The following CAAP1 variants were observed in gnomAD, a reference collection of about 807,000 sequenced individuals.
The protein encoded by CAAP1 is caspase activity and apoptosis inhibitor 1, also known as conserved anti-apoptotic protein.
In CAAP1, 20 loss-of-function variants were observed where a neutral mutation model predicts 34.0. The observed-to-expected ratio is 0.59, with a 90% confidence interval of 0.41 to 0.86. The LOEUF is 0.86. Among genes scored for constraint, CAAP1 ranks in the 40% least tolerant of loss-of-function variants. CAAP1 has a pLI of 0.00. For missense variants in CAAP1, 538 were observed against 450.5 expected (o/e 1.19, Z -1.76); for synonymous variants, 213 against 166.7 (o/e 1.28, Z -2.14).
At chr9:26,855,285 T>C (rs1822843058) in intron 5 of CAAP1, among the ~76,000 whole-genome samples, 2 of 152,296 alleles carry the variant, frequency 1.3e-5, no homozygotes, top group Middle Eastern at 3.4e-3. Flanking sequence ...AGCATAACTA[T>C]AGGGACTATA....
chr9:26,850,472 T>A (rs1587090782), intron 5 of CAAP1, among the ~76,000 whole-genome samples: 2 of 152,286 alleles, frequency 1.3e-5, no homozygotes, highest in Middle Eastern at 6.8e-3. Context: ...GAAAACCCCA[T>A]AATTCCCCAA....
chr9:26,854,483 C>A (rs746123048), intron 5 of CAAP1, among the ~76,000 whole-genome samples: 1 of 140,152 alleles, frequency 7.1e-6, no homozygotes, highest in Non-Finnish European at 1.5e-5. Flanking sequence ...CTGGGTTCAG[C>A]TGAATGTATC....
intron 1 of CAAP1, among the ~76,000 whole-genome samples, chr9:26,890,941 T>C (rs1823889145): frequency 6.6e-6 from 1 of 150,736 alleles, no homozygotes; most frequent in Non-Finnish European, 1.5e-5. Flanking sequence ...CGAGACTCCG[T>C]CTCAAAAAAA....
At chr9:26,889,420 AAAAAACAAAAAC>A (rs1052969150) in intron 1 of CAAP1, among the ~76,000 whole-genome samples, 1 of 152,148 alleles carries the variant, frequency 6.6e-6, no homozygotes, top group African/African-American at 2.4e-5. Context: ...CTCTATCTCA[AAAAAACAAAAAC>A]AAAAACAAAA....
chr9:26,879,739 T>C (rs1823538147), intron 4 of CAAP1, among the ~76,000 whole-genome samples: 1 of 152,198 alleles, frequency 6.6e-6, no homozygotes, highest in Non-Finnish European at 1.5e-5. Context: ...TGGATGCCCT[T>C]GAACATCAGA....
intron 4 of CAAP1, among the ~76,000 whole-genome samples, chr9:26,869,070 G>C (rs1823209881): frequency 6.6e-6 from 1 of 151,964 alleles, no homozygotes; most frequent in Admixed American, 6.6e-5. Context: ...AATACTATAA[G>C]AAAATAGATG....
At chr9:26,857,297 T>C (rs1238874036) in intron 5 of CAAP1, among the ~76,000 whole-genome samples, 2 of 152,192 alleles carry the variant, frequency 1.3e-5, no homozygotes, top group Admixed American at 6.5e-5. Context: ...ATAACTGATG[T>C]TTCTTATACA....
At position 26,892,522 on chromosome 9, in the gene CAAP1, G is replaced by T. The variant is rs774523972; in HGVS notation, c.194C>A (p.Thr65Asn). The change falls in exon 1 of 6, where the codon ACC becomes AAC. Residue 65 changes from threonine (T) to asparagine (N), a missense_variant. Thr to Asn is a moderately conservative substitution (Grantham distance 65). Coordinates refer to ENST00000333916, the MANE Select transcript of CAAP1 (RefSeq NM_024828.4). ...CGNANFSGSV[T>N]GGGSGGSCWG... is the part of the protein sequence containing the mutation. Reference sequence around the variant, plus strand: ...ACAGCTGCCGCCGCTCCCACCGCCGGTGACACTTCCACTAAAATTGGCGTT... The same window carrying T: ...ACAGCTGCCGCCGCTCCCACCGCCGTTGACACTTCCACTAAAATTGGCGTT... 3.2e-6 allele frequency: 5 copies of T among 1,572,868 alleles called. No individual in the cohort carries two copies. Among genetic ancestry groups the T allele is most frequent in the Non-Finnish European group, 4.3e-6 (5 of 1,159,242 alleles).
intron 3 of CAAP1, among the ~76,000 whole-genome samples, chr9:26,885,218 A>T (rs1202461952): frequency 6.6e-6 from 1 of 151,688 alleles, no homozygotes; most frequent in Non-Finnish European, 1.5e-5. Context: ...CTGGGACTAC[A>T]GGCGCCCGCC....
intron 5 of CAAP1, among the ~76,000 whole-genome samples, chr9:26,855,352 A>G (rs566267186): frequency 2.1e-4 from 32 of 152,318 alleles, no homozygotes; most frequent in South Asian, 1.0e-3. Context: ...ATAAATAGGT[A>G]GAACACAGAA....
intron 2 of CAAP1, 78 bp from the exon 3 acceptor site, chr9:26,886,266 A>T: frequency 1.6e-6 from 1 of 633,436 alleles, no homozygotes; most frequent in Middle Eastern, 4.5e-4. Context: ...CAATCATAAA[A>T]ATTTAAGTTA....
In CAAP1 at chr9:26,870,896, C is replaced by A. The variant is rs577268085; in HGVS notation, c.666-9757G>T. Among the ~76,000 whole-genome samples the A allele has an allele frequency of 5.3e-5, 8 of 152,180 alleles. No homozygotes were observed. The East Asian group carries it at 5.8e-4, about 11-fold the overall frequency. On this transcript the variant is annotated intron_variant, in intron 4 of 5. Transcript: ENST00000333916. ...CCCCCTAAAGAGCTGGGATTACAGGCGTGAGCCACCGCGCCCAGCCGCAGG... is the reference window on the plus strand; with the variant it reads ...CCCCCTAAAGAGCTGGGATTACAGGAGTGAGCCACCGCGCCCAGCCGCAGG...
chr9:26,887,919 T>A (rs1823791320), intron 1 of CAAP1, among the ~76,000 whole-genome samples: 1 of 152,206 alleles, frequency 6.6e-6, no homozygotes, highest in African/African-American at 2.4e-5. Flanking sequence ...TCACAAATAT[T>A]ATACAGAAAA....
chr9:26,886,429 A>G (rs979801423), intron 2 of CAAP1, among the ~76,000 whole-genome samples: 9 of 152,188 alleles, frequency 5.9e-5, no homozygotes, highest in Non-Finnish European at 1.0e-4. Flanking sequence ...GAAAAAAACT[A>G]AAGAGTGAGT....
intron 1 of CAAP1, 89 bp from the exon 2 acceptor site, chr9:26,887,602 A>G (rs1823779742): frequency 1.3e-6 from 1 of 778,278 alleles, no homozygotes; most frequent in South Asian, 2.2e-5. Flanking sequence ...CATTTAATAA[A>G]TTCTTCTTCA....
At chr9:26,876,383 G>A (rs943031101) in intron 4 of CAAP1, among the ~76,000 whole-genome samples, 1 of 151,220 alleles carries the variant, frequency 6.6e-6, no homozygotes, top group Non-Finnish European at 1.5e-5. Context: ...TCTTTTGAAA[G>A]TACATATTCA....
chr9:26,864,548 C>T (rs865788694), intron 4 of CAAP1, among the ~76,000 whole-genome samples: 4 of 152,150 alleles, frequency 2.6e-5, no homozygotes, highest in Admixed American at 6.5e-5. Context: ...TACCACACCC[C>T]GGTGCTTTTT....
chr9:26,876,253 C>T (rs7040452), intron 4 of CAAP1, among the ~76,000 whole-genome samples: 175 of 152,298 alleles, frequency 1.1e-3, no homozygotes, highest in African/African-American at 3.9e-3. Context: ...TTGACTTCGA[C>T]TGTCTTATCT....
chr9:26,863,772 TAAAA>T (rs57763346), intron 4 of CAAP1, among the ~76,000 whole-genome samples: 9 of 111,982 alleles, frequency 8.0e-5, no homozygotes, highest in Non-Finnish European at 1.1e-4. Flanking sequence ...CCGTTTAAAT[TAAAA>T]AAAAAAAAAA....
Sources: gnomAD v4.1 joint callset for allele counts (sites outside exome capture counted in the v4.1 genomes callset) on GRCh38, gnomAD v4.1.1 for gene constraint, MANE v1.5 for transcripts, NCBI Gene and HGNC (gene_info 2026-07-23, HGNC 2026-07-21) for gene names.